LRR1: variants seen among roughly 807,000 people sequenced by gnomAD.
LRR1 encodes the protein leucine rich repeat protein 1.
In LRR1, 29 loss-of-function variants were observed where a neutral mutation model predicts 31.6. The ratio of observed to expected loss-of-function variants is 0.92; its 90% CI spans 0.68 to 1.25. The LOEUF is 1.25. LRR1 is among the 50% of genes most tolerant of loss of function. The pLI, the probability that LRR1 is intolerant of heterozygous loss-of-function variation, is 0.00. For synonymous variants in LRR1, 179 were observed against 181.4 expected (o/e 0.99, Z 0.10); for missense variants, 485 against 487.2 (o/e 1.00, Z 0.04).
chr14:49,609,607 C>T (rs1257735656), intron 3 of LRR1, among the ~76,000 whole-genome samples: 2 of 151,666 alleles, frequency 1.3e-5, no homozygotes, highest in African/African-American at 2.4e-5. Flanking sequence ...CGGAGTTTTA[C>T]TATGTTGTCC....
In LRR1 at chr14:49,603,710, A is replaced by ATTTTTTTTTTTTTT. The variant is rs1566493069; in HGVS notation, c.282+1243_282+1244insTTTTTTTTTTTTTT. On this transcript the variant is annotated intron_variant, in intron 2 of 3. Transcript: ENST00000298288. ...TTTTTTTTTTTTTTTTTTTTTTTTAATGAGACAGAGTCTCTCCCTGTCACC... is the reference window on the plus strand; with the variant it reads ...TTTTTTTTTTTTTTTTTTTTTTTTAATTTTTTTTTTTTTTTGAGACAGAGTCTCTCCCTGTCACC... 23 of 132,724 alleles carry ATTTTTTTTTTTTTT rather than the reference A, an allele frequency of 1.7e-4. 6 individuals carry two copies. The highest frequency in any genetic ancestry group is 9.2e-4 in the Admixed American group (3 of 3,250). 8.2% of individuals were successfully genotyped at this position (132,724 alleles called of 1,614,324 possible). A position where few individuals can be genotyped will look rare whatever the true frequency, so the allele number is the denominator to read the frequency against.
chr14:49,599,889 G>A lies in LRR1; in HGVS notation c.183+686G>A, dbSNP rs1881978914. On this transcript the variant is annotated intron_variant, in intron 1 of 3. Transcript: ENST00000298288. The stretch of plus-strand genomic sequence containing the variant: ...CGGGGGGGCGGCCCCGCGGCGTGGA[G>A]CGGCGGCGACGGCGGCGGACCCTCC... 3 of 703,926 alleles carry A rather than the reference G, an allele frequency of 4.3e-6. No homozygotes were observed. In the African/African-American group the frequency reaches 5.7e-5, roughly 13 times the overall value. 43.6% of individuals were successfully genotyped at this position (703,926 alleles called of 1,614,324 possible). A position where few individuals can be genotyped will look rare whatever the true frequency, so the allele number is the denominator to read the frequency against.
rs747814180 is a variant in LRR1, at chr14:49,614,314, A to C, written c.1063A>C (p.Lys355Gln). The C allele has an allele frequency of 6.2e-7, 1 of 1,613,726 alleles. No individual in the cohort carries two copies. Among genetic ancestry groups the C allele is most frequent in the Non-Finnish European group, 8.5e-7 (1 of 1,179,962 alleles). ...FHLCQDLDTA[K>Q]ICVCGRFCLN... Reference sequence around the variant, plus strand: ...TCTCTGCCAAGATTTGGATACCGCAAAAATTTGTGTTTGTGGAAGATTCTG... The same window carrying C: ...TCTCTGCCAAGATTTGGATACCGCACAAATTTGTGTTTGTGGAAGATTCTG... The change falls in exon 4 of 4, where the codon AAA becomes CAA. Residue 355 changes from lysine to glutamine, a missense_variant. Physicochemically the swap from Lys to Gln is moderately conservative, Grantham distance 53 (BLOSUM62 1). This residue lies in a region of LRR1 where 210 missense variants were observed against 200.4 expected (regional missense o/e 1.05). Transcript: ENST00000298288.
chr14:49,606,738 C>G (rs1319172876), intron 2 of LRR1, among the ~76,000 whole-genome samples: 1 of 151,568 alleles, frequency 6.6e-6, no homozygotes, highest in Non-Finnish European at 1.5e-5. Flanking sequence ...CTCACTGCAA[C>G]CTCCGCCTCC....
At chr14:49,608,675 C>G (rs965753084) in intron 3 of LRR1, among the ~76,000 whole-genome samples, 1 of 151,416 alleles carries the variant, frequency 6.6e-6, no homozygotes, top group African/African-American at 2.4e-5. Context: ...CTCCCCTGAC[C>G]AGCAGGATCT....
At chr14:49,601,536 T>G (rs1882051287) in intron 1 of LRR1, 7 of 1,015,706 alleles carry the variant, frequency 6.9e-6, no homozygotes, top group Non-Finnish European at 1.4e-6. Flanking sequence ...TCAGTCATCG[T>G]TCTAGCACTC....
In LRR1 at chr14:49,611,923, C is replaced by CA. The variant is rs61699129; in HGVS notation, c.1005-2317dup. ...TGGGCTGCAGAGTGAGACTGCGTCTCAAAAAAAAAAAAAAAAGAAAAGAAA... is the reference window on the plus strand; with the variant it reads ...TGGGCTGCAGAGTGAGACTGCGTCTCAAAAAAAAAAAAAAAAAGAAAAGAAA... On this transcript the variant is annotated intron_variant, in intron 3 of 3. Transcript: ENST00000298288. Among the ~76,000 whole-genome samples the CA allele has an allele frequency of 9.5e-4, 121 of 126,820 alleles. 1 individual carries two copies. Among genetic ancestry groups the CA allele is most frequent in the East Asian group, 5.9e-3 (16 of 2,716 alleles). 83.2% of individuals were successfully genotyped at this position (126,820 alleles called of 152,430 possible). A position where few individuals can be genotyped will look rare whatever the true frequency, so the allele number is the denominator to read the frequency against.
chr14:49,610,408 C>G lies in LRR1; in HGVS notation c.1004+2287C>G, dbSNP rs143934400. 6.9e-3 allele frequency among the ~76,000 whole-genome samples: 1,050 copies of G among 151,926 alleles called. 14 individuals are homozygous for G. The highest frequency in any genetic ancestry group is 0.024 in the African/African-American group (1,003 of 41,416). ...AGCTGGGATTACAGGCTCCCGCCAC[C>G]ACGGCTGGCTATTTTTTTGTATTTT... is the stretch of plus-strand genomic sequence containing the variant. On this transcript the variant is annotated intron_variant, in intron 3 of 3. Coordinates refer to ENST00000298288, the MANE Select transcript of LRR1 (RefSeq NM_152329.4).
intron 3 of LRR1, among the ~76,000 whole-genome samples, 174 bp downstream of exon 3, chr14:49,608,295 C>G (rs186387745): frequency 6.6e-6 from 1 of 151,662 alleles, no homozygotes; most frequent in East Asian, 1.9e-4. Context: ...TCCAGGAAGT[C>G]TCATTGCTCA....
rs779510872 is a variant in LRR1, at chr14:49,608,036, G to A, written c.919G>A (p.Glu307Lys). ...CTTGGATCTTTTTGGAAATACTTTT[G>A]AACAACCAAAAGTCCTTCCAGTAAT... ...EYLDLFGNTFEQPKVLPVIKL... is the reference protein window; with the variant it reads ...EYLDLFGNTFKQPKVLPVIKL... Residue 307 changes from glutamate to lysine, a missense_variant, in exon 3 of 4, where the codon GAA becomes AAA. By Grantham distance (56) the Glu-to-Lys change is moderately conservative. Around this residue, in one of 3 missense-constraint regions of LRR1, gnomAD observed 210 missense variants for 200.4 expected, o/e 1.05. Transcript: ENST00000298288. 3.7e-6 allele frequency: 6 copies of A among 1,612,828 alleles called. No individual in the cohort carries two copies. Among genetic ancestry groups the A allele is most frequent in the Non-Finnish European group, 4.2e-6 (5 of 1,179,688 alleles).
rs957120371 is a variant in LRR1 at position 49,607,526 on chromosome 14, A to G, written c.409A>G (p.Lys137Glu). The G allele has an allele frequency of 6.2e-7, 1 of 1,614,066 alleles. No homozygotes were observed. Among genetic ancestry groups the G allele is most frequent in the African/African-American group, 1.3e-5 (1 of 74,938 alleles). Reference sequence around the variant, plus strand: ...TTCAGAATTTGAAAACTTTAAAACTAAAATGGTTATCACATCCAAAAAAGA... The same window carrying G: ...TTCAGAATTTGAAAACTTTAAAACTGAAATGGTTATCACATCCAAAAAAGA... ...KTSEFENFKT[K>E]MVITSKKDYP... The change falls in exon 3 of 4, where the codon AAA (lysine) becomes GAA (glutamate). Residue 137 changes from lysine (K) to glutamate (E), a missense_variant. Physicochemically the swap from Lys to Glu is moderately conservative, Grantham distance 56 (BLOSUM62 1). This residue lies in a region of LRR1 where 260 missense variants were observed against 249.6 expected (regional missense o/e 1.04). Transcript: ENST00000298288.
chr14:49,612,220 AT>A (rs1183138811), intron 3 of LRR1, among the ~76,000 whole-genome samples: 2 of 152,238 alleles, frequency 1.3e-5, no homozygotes, highest in African/African-American at 4.8e-5. Flanking sequence ...TCTTACCACT[AT>A]TAATATAGCT....
Position 49,599,031 on chromosome 14 carries a change from A to G in LRR1, c.11A>G (p.His4Arg). The stretch of plus-strand genomic sequence containing the variant: ...TGGCCGTTGGGCGAGATGAAGCTAC[A>G]CTGTGAGGTGGAGGTGATCAGCCGG... MKL[H>R]CEVEVISRHL... Residue 4 changes from histidine to arginine, a missense_variant, in exon 1 of 4, where the codon CAC becomes CGC. By Grantham distance (29) the His-to-Arg change is conservative. Around this residue, in one of 3 missense-constraint regions of LRR1, gnomAD observed 260 missense variants for 249.6 expected, o/e 1.04. Coordinates refer to ENST00000298288, the MANE Select transcript of LRR1 (RefSeq NM_152329.4). 1 of 1,609,094 alleles carries G rather than the reference A, an allele frequency of 6.2e-7. No individual in the cohort carries two copies. The highest frequency in any genetic ancestry group is 8.5e-7 in the Non-Finnish European group (1 of 1,177,860).
chr14:49,603,788 G>A (rs1421944890), intron 2 of LRR1, among the ~76,000 whole-genome samples: 4 of 139,464 alleles, frequency 2.9e-5, no homozygotes, highest in African/African-American at 1.0e-4. Context: ...CCACCTCCCG[G>A]GTTCAAGCGA....
At chr14:49,602,568 A>T in intron 2 of LRR1, 100 bp downstream of exon 2, 1 of 906,448 alleles carries the variant, frequency 1.1e-6, no homozygotes, top group Non-Finnish European at 1.7e-6. Context: ...GTACAGAGGC[A>T]TAGTCATAGC....
intron 2 of LRR1, among the ~76,000 whole-genome samples, chr14:49,606,554 G>T (rs975271239): frequency 2.0e-5 from 3 of 151,928 alleles, no homozygotes; most frequent in South Asian, 4.1e-4. Flanking sequence ...GGCCAGGCTG[G>T]TCTGAAACTC....
intron 1 of LRR1, chr14:49,600,287 T>C: frequency 2.0e-6 from 3 of 1,489,656 alleles, no homozygotes; most frequent in Non-Finnish European, 2.8e-6. Context: ...CATTTCAAAA[T>C]GTGAGGGAGG....
chr14:49,602,506 G>T, intron 2 of LRR1, 38 bp downstream of exon 2: 1 of 1,529,966 alleles, frequency 6.5e-7, no homozygotes, highest in African/African-American at 1.4e-5. Flanking sequence ...ATATTTGGCT[G>T]TATTTTCTTT....
rs755024398 is a variant in LRR1, at chr14:49,607,493, G to T, written c.376G>T (p.Val126Leu). 1 of 1,614,114 alleles carries T rather than the reference G, an allele frequency of 6.2e-7. No individual in the cohort carries two copies. The highest frequency in any genetic ancestry group is 1.7e-5 in the Admixed American group (1 of 60,004). ...VDTPVSTLTPVKTSEFENFKT... is the reference protein window; with the variant it reads ...VDTPVSTLTPLKTSEFENFKT... ...TACACCAGTTTCAACGCTCACACCA[G>T]TGAAGACTTCAGAATTTGAAAACTT... Residue 126 changes from valine (V) to leucine (L), a missense_variant, in exon 3 of 4, where the codon GTG (valine) becomes TTG (leucine). Physicochemically the swap from Val to Leu is conservative, Grantham distance 32. This residue lies in a region of LRR1 where 260 missense variants were observed against 249.6 expected (regional missense o/e 1.04). Coordinates refer to ENST00000298288, the MANE Select transcript of LRR1 (RefSeq NM_152329.4).
Sources: allele counts gnomAD v4.1 joint callset (sites outside exome capture counted in the v4.1 genomes callset), GRCh38; gene constraint gnomAD v4.1.1; regional missense constraint gnomAD v4.1.1; transcripts MANE v1.5; gene names NCBI Gene and HGNC (gene_info 2026-07-23, HGNC 2026-07-21).